Variants in CCSER1 observed in about 807,000 individuals in gnomAD.
CCSER1 encodes coiled-coil serine rich protein 1, also known as serine-rich coiled-coil domain-containing protein 1.
Under a neutral mutation model 82.0 loss-of-function variants are expected in CCSER1, and 41 were observed. That is an observed-to-expected ratio of 0.50 (90% confidence interval 0.39 to 0.65). CCSER1 has a LOEUF of 0.65. CCSER1 is among the 30% of genes least tolerant of loss of function. CCSER1 has a pLI of 0.00. For synonymous variants in CCSER1, 414 were observed against 383.9 expected (o/e 1.08, Z -0.92); for missense variants, 1,119 against 1,064.2 (o/e 1.05, Z -0.72).
chr4:91,160,454 C>T (rs28828071), intron 10 of CCSER1, among the ~76,000 whole-genome samples: 1,669 of 152,262 alleles, frequency 0.011, 38 homozygotes, highest in African/African-American at 0.036. Flanking sequence ...AGTTCTAGAT[C>T]ATTGAGGAAT....
intron 10 of CCSER1, among the ~76,000 whole-genome samples, chr4:91,366,439 C>T (rs1452743524): frequency 1.3e-5 from 2 of 152,148 alleles, no homozygotes; most frequent in Non-Finnish European, 2.9e-5. Flanking sequence ...AAACAAAAAT[C>T]ACAATACTAT....
chr4:90,502,082 C>T (rs1239532738), intron 5 of CCSER1, among the ~76,000 whole-genome samples: 1 of 152,060 alleles, frequency 6.6e-6, no homozygotes, highest in Non-Finnish European at 1.5e-5. Flanking sequence ...AAAAGCTGAA[C>T]ATTAGTAATT....
intron 9 of CCSER1, among the ~76,000 whole-genome samples, chr4:91,060,601 C>T (rs942825504): frequency 6.6e-6 from 1 of 151,988 alleles, no homozygotes. Context: ...AGCTGTTCTA[C>T]TTCATTTATT....
At chr4:90,480,778 T>C (rs554522753) in intron 5 of CCSER1, among the ~76,000 whole-genome samples, 210 of 152,340 alleles carry the variant, frequency 1.4e-3, no homozygotes, top group African/African-American at 4.8e-3. Context: ...TTGGTTACTG[T>C]AGCCTTGTAG....
intron 1 of CCSER1, among the ~76,000 whole-genome samples, chr4:90,261,091 GTTA>G (rs999197838): frequency 1.3e-5 from 2 of 151,694 alleles, no homozygotes; most frequent in African/African-American, 4.8e-5. Context: ...TACATTCAAT[GTTA>G]TTATTGAGAT....
chr4:90,280,171 T>C (rs546614913), intron 1 of CCSER1, among the ~76,000 whole-genome samples: 1 of 152,102 alleles, frequency 6.6e-6, no homozygotes, highest in Admixed American at 6.6e-5. Context: ...CTGATTAAAG[T>C]CTTTTCCATA....
At chr4:91,009,737 T>C (rs1390460883) in intron 9 of CCSER1, among the ~76,000 whole-genome samples, 1 of 152,194 alleles carries the variant, frequency 6.6e-6, no homozygotes, top group African/African-American at 2.4e-5. Context: ...ACAGACTATT[T>C]TACACTGATA....
intron 5 of CCSER1, among the ~76,000 whole-genome samples, chr4:90,620,578 A>G (rs1439820609): frequency 6.6e-6 from 1 of 152,202 alleles, no homozygotes; most frequent in African/African-American, 2.4e-5. Flanking sequence ...TACACAGTTA[A>G]TTATGATATT....
chr4:91,516,097 T>C (rs2110127752), intron 10 of CCSER1, among the ~76,000 whole-genome samples: 1 of 152,252 alleles, frequency 6.6e-6, no homozygotes, highest in Non-Finnish European at 1.5e-5. Context: ...TCCATATAGA[T>C]TCTGGCTATT....
intron 10 of CCSER1, among the ~76,000 whole-genome samples, chr4:91,400,568 T>A (rs1752254198): frequency 1.3e-5 from 2 of 149,442 alleles, no homozygotes; most frequent in African/African-American, 4.9e-5. Context: ...GCCCTTAAAA[T>A]CACAAGCCAT....
At chr4:91,164,214 T>G (rs1731771656) in intron 10 of CCSER1, among the ~76,000 whole-genome samples, 1 of 152,222 alleles carries the variant, frequency 6.6e-6, no homozygotes. Flanking sequence ...GATATGAAAT[T>G]CTGGGTTGAA....
At chr4:90,270,488 C>T (rs918243056) in intron 1 of CCSER1, among the ~76,000 whole-genome samples, 3 of 151,908 alleles carry the variant, frequency 2.0e-5, no homozygotes, top group Admixed American at 6.6e-5. Flanking sequence ...ATAGAAGGAA[C>T]ACACCTCAAC....
At chr4:91,035,238 A>G (rs948253397) in intron 9 of CCSER1, among the ~76,000 whole-genome samples, 2 of 152,166 alleles carry the variant, frequency 1.3e-5, no homozygotes, top group African/African-American at 4.8e-5. Context: ...TGGAACTGAA[A>G]TAAAGCTTTA....
chr4:90,973,891 C>A (rs986105633), intron 9 of CCSER1, among the ~76,000 whole-genome samples: 1 of 151,416 alleles, frequency 6.6e-6, no homozygotes, highest in African/African-American at 2.4e-5. Flanking sequence ...AAAATCCTGT[C>A]ATTGTAACAA....
intron 9 of CCSER1, among the ~76,000 whole-genome samples, chr4:90,945,949 A>G (rs1009874917): frequency 2.6e-5 from 4 of 152,218 alleles, no homozygotes; most frequent in Non-Finnish European, 4.4e-5. Flanking sequence ...AAACTGAAAT[A>G]TAGAGGAGTT....
At chr4:90,762,686 C>G (rs953903237) in intron 7 of CCSER1, among the ~76,000 whole-genome samples, 1 of 152,040 alleles carries the variant, frequency 6.6e-6, no homozygotes, top group African/African-American at 2.4e-5. Context: ...TTATTTCACA[C>G]AAAAATAACC....
intron 10 of CCSER1, among the ~76,000 whole-genome samples, chr4:91,202,580 T>C (rs1271972871): frequency 6.6e-6 from 1 of 152,058 alleles, no homozygotes; most frequent in African/African-American, 2.4e-5. Context: ...AAAGATTTTA[T>C]GTTGTTGTTA....
chr4:91,557,715 T>A (rs1762468131), intron 10 of CCSER1, among the ~76,000 whole-genome samples: 1 of 151,354 alleles, frequency 6.6e-6, no homozygotes, highest in Non-Finnish European at 1.5e-5. Flanking sequence ...ATATAGTTTT[T>A]ACAGGAGCCC....
At chr4:90,627,933 C>G in intron 5 of CCSER1, 92 bp from the exon 6 acceptor site, 1 of 915,880 alleles carries the variant, frequency 1.1e-6, no homozygotes, top group Non-Finnish European at 1.8e-6. Flanking sequence ...GAAATACTTT[C>G]TAGGATACTA....
Sources: allele counts gnomAD v4.1 joint callset (sites outside exome capture counted in the v4.1 genomes callset), GRCh38; gene constraint gnomAD v4.1.1; transcripts MANE v1.5; gene names NCBI Gene and HGNC (gene_info 2026-07-23, HGNC 2026-07-21).